The following PLCB1 variants were observed in gnomAD, a reference collection of about 807,000 sequenced individuals.
PLCB1 encodes the protein 1-phosphatidylinositol 4,5-bisphosphate phosphodiesterase beta-1.
PLCB1 carries 46 observed loss-of-function variants against 161.8 expected under a neutral mutation model. That is an observed-to-expected ratio of 0.28 (90% confidence interval 0.22 to 0.36). The LOEUF is 0.36. Ranked by LOEUF, PLCB1 falls within the 10% of genes least tolerant of loss-of-function variation. The pLI is 1.00. For missense variants in PLCB1, 1,016 were observed against 1,472.5 expected (o/e 0.69, Z 5.07); for synonymous variants, 517 against 503.7 (o/e 1.03, Z -0.35).
At chr20:8,655,154 A>G (rs886796629) in intron 7 of PLCB1, among the ~76,000 whole-genome samples, 1 of 152,146 alleles carries the variant, frequency 6.6e-6, no homozygotes. Flanking sequence ...CATAGCTGGT[A>G]CATAAACAAT....
intron 3 of PLCB1, among the ~76,000 whole-genome samples, chr20:8,501,856 A>T (rs1052895421): frequency 1.5e-5 from 2 of 134,642 alleles, no homozygotes; most frequent in African/African-American, 5.7e-5. Context: ...TTTAAAAAAG[A>T]TATATCGCAT....
chr20:8,329,163 T>C (rs1476562204), intron 2 of PLCB1, among the ~76,000 whole-genome samples: 1 of 152,212 alleles, frequency 6.6e-6, no homozygotes, highest in Non-Finnish European at 1.5e-5. Context: ...CTGTATGTGT[T>C]GCTATGAATT....
At chr20:8,321,012 GA>G (rs1442064056) in intron 2 of PLCB1, among the ~76,000 whole-genome samples, 2 of 141,432 alleles carry the variant, frequency 1.4e-5, no homozygotes, top group East Asian at 4.6e-4. Context: ...GTAAAACAGG[GA>G]GGGAGATAAA....
rs1347193352 is a variant in PLCB1 at position 8,310,279 on chromosome 20, CAA to C, written c.178-61100_178-61099del. Among the ~76,000 whole-genome samples the C allele has an allele frequency of 4.6e-5, 7 of 152,240 alleles. 1 individual carries two copies. The East Asian group carries it at 1.4e-3, about 29-fold the overall frequency. On this transcript the variant is annotated intron_variant, in intron 2 of 31. Transcript: ENST00000338037. ...TTCTAATCAATTTGAATCATCTGAACAAAAGCTGGAAAATGTTTAGTTGTAAA... is the reference window on the plus strand; with the variant it reads ...TTCTAATCAATTTGAATCATCTGAACAAGCTGGAAAATGTTTAGTTGTAAA...
chr20:8,788,674 A>T lies in PLCB1; in HGVS notation c.3230A>T (p.Gln1077Leu). Residue 1077 changes from glutamine to leucine, a missense_variant, in exon 29 of 32, where the codon CAG (glutamine) becomes CTG (leucine). Coordinates refer to ENST00000338037, the MANE Select transcript of PLCB1 (RefSeq NM_015192.4). ...AAGAAGAAAATGGATAAAAAGAGGC[A>T]GGAGAAGATAACAGAAGCTAAATCC... is the stretch of plus-strand genomic sequence containing the variant. ...ELKKKMDKKR[Q>L]EKITEAKSKD... 2 of 1,611,814 alleles carry T rather than the reference A, an allele frequency of 1.2e-6. No homozygotes were observed. Among genetic ancestry groups the T allele is most frequent in the Non-Finnish European group, 1.7e-6 (2 of 1,178,948 alleles).
chr20:8,461,981 T>C (rs1467758450), intron 3 of PLCB1, among the ~76,000 whole-genome samples: 2 of 152,120 alleles, frequency 1.3e-5, no homozygotes, highest in African/African-American at 4.8e-5. Flanking sequence ...ACATATTTTC[T>C]CTTTGTTTTT....
intron 3 of PLCB1, among the ~76,000 whole-genome samples, chr20:8,444,528 T>C (rs1204988030): frequency 2.0e-5 from 3 of 152,226 alleles, no homozygotes; most frequent in African/African-American, 4.8e-5. Flanking sequence ...TGTGTCTTTA[T>C]AGCAGCATGA....
chr20:8,392,342 GC>G (rs1987634574), intron 3 of PLCB1, among the ~76,000 whole-genome samples: 1 of 152,046 alleles, frequency 6.6e-6, no homozygotes, highest in African/African-American at 2.4e-5. Flanking sequence ...TTGATTTTGA[GC>G]CTCCCAGCCT....
intron 3 of PLCB1, among the ~76,000 whole-genome samples, chr20:8,508,309 T>A (rs1983727094): frequency 6.6e-6 from 1 of 152,216 alleles, no homozygotes; most frequent in Admixed American, 6.5e-5. Flanking sequence ...CATTGCTGCG[T>A]CCATCCCAGT....
chr20:8,759,895 C>CTTTT (rs1981928257), intron 24 of PLCB1, among the ~76,000 whole-genome samples: 13 of 44,506 alleles, frequency 2.9e-4, no homozygotes, highest in Non-Finnish European at 4.8e-4. Flanking sequence ...TATAATATCA[C>CTTTT]ATTTTTTTTT....
In PLCB1 at chr20:8,737,018, G is replaced by T; in HGVS notation, c.2044-10G>T. 1 of 1,599,602 alleles carries T rather than the reference G, an allele frequency of 6.3e-7. No homozygotes were observed. The highest frequency in any genetic ancestry group is 1.1e-5 in the South Asian group (1 of 90,398). On this transcript the variant is annotated splice_polypyrimidine_tract_variant and intron_variant, in intron 19 of 31. Transcript: ENST00000338037. ...TTCCTTATGGATTGATTGATTTATTGATTTTCTAGATTATTTCAGGTCAGT... is the reference window on the plus strand; with the variant it reads ...TTCCTTATGGATTGATTGATTTATTTATTTTCTAGATTATTTCAGGTCAGT...
rs970195881 is a variant in PLCB1, at chr20:8,673,155, A to G, written c.863-11777A>G. On this transcript the variant is annotated intron_variant, in intron 9 of 31. Transcript: ENST00000338037. ...AAATAAATAAATAAATAAATAAATA[A>G]AGTCACATTCATGAACTCAGTGGAA... 2.9e-4 allele frequency among the ~76,000 whole-genome samples: 42 copies of G among 147,264 alleles called. No homozygotes were observed. The South Asian group carries it at 3.6e-3, about 13-fold the overall frequency.
intron 3 of PLCB1, among the ~76,000 whole-genome samples, chr20:8,453,976 C>T (rs149603062): frequency 7.0e-4 from 107 of 152,230 alleles, no homozygotes; most frequent in African/African-American, 2.6e-3. Context: ...AAGAGGAAGA[C>T]ATCAGAGCTC....
At chr20:8,240,864 C>A (rs1271503325) in intron 2 of PLCB1, among the ~76,000 whole-genome samples, 1 of 151,920 alleles carries the variant, frequency 6.6e-6, no homozygotes, top group Non-Finnish European at 1.5e-5. Flanking sequence ...AAACTAGCCC[C>A]ATGAAATTTT....
chr20:8,211,211 G>A (rs1978807418), intron 2 of PLCB1, among the ~76,000 whole-genome samples: 1 of 152,044 alleles, frequency 6.6e-6, no homozygotes, highest in Admixed American at 6.6e-5. Context: ...GATTCTGGTT[G>A]GATGAGAGAC....
intron 2 of PLCB1, among the ~76,000 whole-genome samples, chr20:8,191,446 G>C (rs1276282338): frequency 1.3e-5 from 2 of 151,480 alleles, no homozygotes; most frequent in Non-Finnish European, 2.9e-5. Context: ...ACCATTTCAC[G>C]GTAAGTTGCA....
chr20:8,619,983 G>A (rs1450063014), intron 3 of PLCB1, among the ~76,000 whole-genome samples: 1 of 151,948 alleles, frequency 6.6e-6, no homozygotes, highest in East Asian at 1.9e-4. Flanking sequence ...ATTTTCATTT[G>A]TAGAACTTTT....
chr20:8,824,887 A>T (rs1391223972), intron 31 of PLCB1, among the ~76,000 whole-genome samples: 2 of 152,180 alleles, frequency 1.3e-5, no homozygotes, highest in Non-Finnish European at 2.9e-5. Context: ...GCCAATCATA[A>T]CACACACCCC....
Position 8,371,462 on chromosome 20 carries a change from A to G in PLCB1, c.246+12A>G, listed in dbSNP as rs200984500. The G allele has an allele frequency of 1.4e-4, 222 of 1,593,950 alleles. No homozygotes were observed. In the African/African-American group the frequency reaches 2.7e-3, roughly 20 times the overall value. ...CCAAAGCTCCCAAGGTAGGAGGTTG[A>G]GTGTTGTGCATGCACCAGATGCTGC... On this transcript the variant is annotated intron_variant, in intron 3 of 31. Coordinates refer to ENST00000338037, the MANE Select transcript of PLCB1 (RefSeq NM_015192.4).
Sources: gnomAD v4.1 joint callset for allele counts (sites outside exome capture counted in the v4.1 genomes callset) on GRCh38, gnomAD v4.1.1 for gene constraint, MANE v1.5 for transcripts, NCBI Gene and HGNC (gene_info 2026-07-23, HGNC 2026-07-21) for gene names.